Variants in ZNF385D observed in about 807,000 individuals in gnomAD.
ZNF385D encodes zinc finger protein 385D.
Under a neutral mutation model 35.8 loss-of-function variants are expected in ZNF385D, and 15 were observed. The observed-to-expected ratio is 0.42, with a 90% CI of 0.28 to 0.64. The LOEUF is 0.64. Ranked by LOEUF, ZNF385D falls within the 30% of genes least tolerant of loss-of-function variation. The pLI is 0.23. For synonymous variants in ZNF385D, 212 were observed against 186.8 expected, an observed-to-expected ratio of 1.13 and a Z score of -1.10; for missense variants, 474 against 494.6, an observed-to-expected ratio of 0.96 and a Z score of 0.39.
intron 4 of ZNF385D, among the ~76,000 whole-genome samples, chr3:21,508,019 G>C (rs1294729272): frequency 6.6e-6 from 1 of 151,906 alleles, no homozygotes; most frequent in Non-Finnish European, 1.5e-5. Context: ...TTGTTTTTTT[G>C]TTTTGTTTTG....
chr3:22,084,059 T>C (rs1258691885), intron 3 of ZNF385D, among the ~76,000 whole-genome samples: 5 of 152,032 alleles, frequency 3.3e-5, no homozygotes, highest in Admixed American at 6.6e-5. Context: ...ACCAGGCCTG[T>C]CTTACAAGAG....
At chr3:21,862,825 A>T (rs1320252266) in intron 3 of ZNF385D, among the ~76,000 whole-genome samples, 1 of 152,142 alleles carries the variant, frequency 6.6e-6, no homozygotes, top group Non-Finnish European at 1.5e-5. Context: ...TCTTTGACCT[A>T]AGAAAGACCT....
At chr3:21,931,023 C>T (rs1050676315) in intron 3 of ZNF385D, among the ~76,000 whole-genome samples, 1 of 151,856 alleles carries the variant, frequency 6.6e-6, no homozygotes, top group Non-Finnish European at 1.5e-5. Flanking sequence ...AATGAAATGC[C>T]AAGTCATATA....
chr3:21,879,791 A>G (rs762102809), intron 3 of ZNF385D, among the ~76,000 whole-genome samples: 4 of 152,050 alleles, frequency 2.6e-5, no homozygotes, highest in African/African-American at 9.7e-5. Flanking sequence ...GCATGACTAT[A>G]TAACACTACA....
At chr3:21,530,177 C>A (rs1433543985) in intron 3 of ZNF385D, among the ~76,000 whole-genome samples, 1 of 152,176 alleles carries the variant, frequency 6.6e-6, no homozygotes, top group Non-Finnish European at 1.5e-5. Context: ...TCCTGAGCCC[C>A]TCGCCAGAAA....
intron 2 of ZNF385D, among the ~76,000 whole-genome samples, chr3:22,224,167 T>C (rs1195089174): frequency 6.6e-6 from 1 of 152,202 alleles, no homozygotes; most frequent in African/African-American, 2.4e-5. Flanking sequence ...TGTAATGAGA[T>C]AATAAAATAT....
intron 3 of ZNF385D, among the ~76,000 whole-genome samples, chr3:22,103,233 A>T (rs888899189): frequency 1.6e-4 from 24 of 150,604 alleles, no homozygotes; most frequent in Non-Finnish European, 3.1e-4. Flanking sequence ...TTTTAAATAC[A>T]TGTCTGTCTT....
chr3:22,297,934 A>G (rs1329237595), intron 2 of ZNF385D, among the ~76,000 whole-genome samples: 1 of 152,102 alleles, frequency 6.6e-6, no homozygotes, highest in Non-Finnish European at 1.5e-5. Context: ...CTCTGCATCT[A>G]TAAATATGTT....
At chr3:21,543,844 A>G (rs192083431) in intron 3 of ZNF385D, among the ~76,000 whole-genome samples, 101 of 152,216 alleles carry the variant, frequency 6.6e-4, no homozygotes, top group African/African-American at 2.4e-3. Context: ...TGAAGCCTCC[A>G]TGTTGTTTTA....
intron 2 of ZNF385D, among the ~76,000 whole-genome samples, chr3:22,215,440 T>C (rs1486755088): frequency 6.6e-6 from 1 of 151,958 alleles, no homozygotes; most frequent in African/African-American, 2.4e-5. Context: ...GCCTCTAAAA[T>C]GGCTGCTTCA....
chr3:21,763,283 C>T (rs560530197), intron 3 of ZNF385D, among the ~76,000 whole-genome samples: 7 of 152,172 alleles, frequency 4.6e-5, no homozygotes, highest in African/African-American at 9.6e-5. Flanking sequence ...CAGGTCTCCC[C>T]GGAGATATTC....
At chr3:22,273,725 TA>T in intron 2 of ZNF385D, among the ~76,000 whole-genome samples, 1 of 152,142 alleles carries the variant, frequency 6.6e-6, no homozygotes, top group South Asian at 2.1e-4. Flanking sequence ...AAAACAGACA[TA>T]TTTACAGATC....
intron 2 of ZNF385D, among the ~76,000 whole-genome samples, chr3:21,614,484 G>T (rs895980035): frequency 6.6e-6 from 1 of 152,210 alleles, no homozygotes; most frequent in Non-Finnish European, 1.5e-5. Context: ...TCCCCTAGGG[G>T]TTCCCTTGAT....
In ZNF385D at chr3:22,085,777, C is replaced by G. The variant is rs368696449; in HGVS notation, c.325+83040G>C. 1.3e-4 allele frequency among the ~76,000 whole-genome samples: 20 copies of G among 152,286 alleles called. No homozygotes were observed. In the South Asian group the frequency reaches 4.1e-3, roughly 32 times the overall value. On this transcript the variant is annotated intron_variant, in intron 3 of 5. Coordinates refer to the ZNF385D transcript ENST00000494108. The stretch of plus-strand genomic sequence containing the variant: ...AAAAGAAACTTTCAGGCCAATATTC[C>G]TGATGAACATCAATGCAAAAATCCT...
intron 3 of ZNF385D, among the ~76,000 whole-genome samples, chr3:22,158,018 G>A (rs6771467): frequency 0.2 from 29,725 of 151,954 alleles, 3,253 homozygotes; most frequent in East Asian, 0.36. Context: ...CTTTACAAGC[G>A]ATTCCAGATG....
intron 3 of ZNF385D, among the ~76,000 whole-genome samples, chr3:22,092,724 AT>A (rs1701397397): frequency 6.6e-6 from 1 of 152,052 alleles, no homozygotes; most frequent in Non-Finnish European, 1.5e-5. Flanking sequence ...ACAGTTAATA[AT>A]TTTTGATATT....
At chr3:22,323,024 C>G (rs113684279) in intron 2 of ZNF385D, among the ~76,000 whole-genome samples, 2 of 152,186 alleles carry the variant, frequency 1.3e-5, no homozygotes, top group East Asian at 1.9e-4. Context: ...CTCCTGAAAA[C>G]GATAGAAAGC....
chr3:22,355,848 G>T (rs1696124930), intron 2 of ZNF385D, among the ~76,000 whole-genome samples: 1 of 151,814 alleles, frequency 6.6e-6, no homozygotes, highest in Non-Finnish European at 1.5e-5. Context: ...TTTATCAGTA[G>T]AACATGTTAA....
At chr3:21,736,580 G>A (rs2125506928) in intron 1 of ZNF385D, among the ~76,000 whole-genome samples, 1 of 152,268 alleles carries the variant, frequency 6.6e-6, no homozygotes, top group East Asian at 1.9e-4. Context: ...CTTACAAAGT[G>A]CGTTCTCCTT....
Sources: allele counts gnomAD v4.1 joint callset (sites outside exome capture counted in the v4.1 genomes callset), GRCh38; gene constraint gnomAD v4.1.1; transcripts MANE v1.5; gene names NCBI Gene and HGNC (gene_info 2026-07-23, HGNC 2026-07-21).